FAM184A: variants seen among roughly 807,000 people sequenced by gnomAD.
FAM184A encodes the protein family with sequence similarity 184 member A.
Under a neutral mutation model 143.8 loss-of-function variants are expected in FAM184A, and 99 were observed. That is an observed-to-expected ratio of 0.69 (90% CI 0.58 to 0.81). FAM184A has a LOEUF of 0.81. FAM184A is among the 40% of genes least tolerant of loss of function. The pLI is 0.00. For synonymous variants in FAM184A, 427 were observed against 446.4 expected (o/e 0.96, Z 0.55); for missense variants, 1,217 against 1,310.5 (o/e 0.93, Z 1.10).
At chr6:118,974,606 T>G in intron 13 of FAM184A, 32 bp from the exon 14 acceptor site, 1 of 1,544,910 alleles carries the variant, frequency 6.5e-7, no homozygotes, top group Non-Finnish European at 8.8e-7. Context: ...AAGAAAATGT[T>G]ATTCTGAAGT....
At chr6:119,143,618 T>C (rs1437590287) in intron 1 of FAM184A, among the ~76,000 whole-genome samples, 1 of 152,204 alleles carries the variant, frequency 6.6e-6, no homozygotes, top group Non-Finnish European at 1.5e-5. Context: ...AATAGAATAT[T>C]ATCCAGCCTT....
intron 1 of FAM184A, among the ~76,000 whole-genome samples, chr6:119,103,928 G>GAAAAAA (rs199961401): frequency 1.4e-5 from 1 of 72,894 alleles, no homozygotes; most frequent in Non-Finnish European, 3.4e-5. Context: ...TCCGTGTAGA[G>GAAAAAA]AAAAAAAAAA....
chr6:119,130,196 T>C (rs1191955825), intron 1 of FAM184A, among the ~76,000 whole-genome samples: 1 of 152,244 alleles, frequency 6.6e-6, no homozygotes, highest in East Asian at 1.9e-4. Flanking sequence ...ATAATTTACT[T>C]AGAGCCCAAG....
Position 119,078,046 on chromosome 6 carries a change from G to C in FAM184A, c.159+95C>G. 3 of 1,401,600 alleles carry C rather than the reference G, an allele frequency of 2.1e-6. No homozygotes were observed. Among genetic ancestry groups the C allele is most frequent in the South Asian group, 2.7e-5 (2 of 74,270 alleles). 86.8% of individuals were successfully genotyped at this position (1,401,600 alleles called of 1,614,324 possible). On this transcript the variant is annotated intron_variant, in intron 1 of 17. Transcript: ENST00000338891. The surrounding 1 kb of genome is among the most constrained non-coding windows in gnomAD (Gnocchi z 5.5). ...TCGGCGGAGGAGTAGAGTTCCCCTC[G>C]CTGCGGGCGCAGGGCGCACTGCCTC...
chr6:119,117,581 C>T (rs1582631172), intron 1 of FAM184A, among the ~76,000 whole-genome samples: 1 of 152,150 alleles, frequency 6.6e-6, no homozygotes, highest in East Asian at 1.9e-4. Flanking sequence ...AACATGCCTG[C>T]GACTCAGAGG....
At chr6:119,052,941 C>T (rs929385989) in intron 1 of FAM184A, among the ~76,000 whole-genome samples, 8 of 152,280 alleles carry the variant, frequency 5.3e-5, no homozygotes, top group African/African-American at 1.9e-4. Flanking sequence ...AATGTAGAAC[C>T]AGTGAAGGGA....
intron 1 of FAM184A, among the ~76,000 whole-genome samples, chr6:119,063,715 T>C (rs921700427): frequency 6.6e-6 from 1 of 152,146 alleles, no homozygotes; most frequent in African/African-American, 2.4e-5. Context: ...TCCAAAGTGG[T>C]ATTTACTGTT....
chr6:119,139,997 T>C (rs1279264819), intron 1 of FAM184A, among the ~76,000 whole-genome samples: 1 of 152,250 alleles, frequency 6.6e-6, no homozygotes, highest in South Asian at 2.1e-4. Context: ...TTGCTGGGGC[T>C]GCCCAGGGTG....
At chr6:118,960,261 T>C in intron 17 of FAM184A, 77 bp from the exon 18 acceptor site, 1 of 1,158,084 alleles carries the variant, frequency 8.6e-7, no homozygotes. Context: ...ACATAAAACA[T>C]CAGCATAGAT....
chr6:119,084,116 G>C (rs566874200), intron 1 of FAM184A, among the ~76,000 whole-genome samples: 1 of 152,008 alleles, frequency 6.6e-6, no homozygotes, highest in Non-Finnish European at 1.5e-5. Context: ...AGCAAAGGGG[G>C]AGGTCCCACT....
At chr6:119,033,818 C>A (rs1785985147) in intron 1 of FAM184A, among the ~76,000 whole-genome samples, 1 of 149,618 alleles carries the variant, frequency 6.7e-6, no homozygotes, top group Admixed American at 6.7e-5. Flanking sequence ...ATGGCAAAAC[C>A]CCATCTCTAC....
intron 1 of FAM184A, among the ~76,000 whole-genome samples, chr6:119,032,269 C>T (rs1318023019): frequency 7.1e-6 from 1 of 141,130 alleles, no homozygotes; most frequent in East Asian, 2.0e-4. Flanking sequence ...AACTCTGTCT[C>T]AAAACAAAAA....
intron 1 of FAM184A, among the ~76,000 whole-genome samples, chr6:119,056,801 T>C (rs753729590): frequency 3.9e-5 from 6 of 152,228 alleles, no homozygotes; most frequent in Non-Finnish European, 7.3e-5. Context: ...GCCAAGGAAC[T>C]ATATCCCATA....
chr6:119,017,883 G>A (rs1253768486), intron 4 of FAM184A, among the ~76,000 whole-genome samples: 2 of 152,124 alleles, frequency 1.3e-5, no homozygotes, highest in East Asian at 1.9e-4. Context: ...AGATCTGGTT[G>A]TTTAAAGGAG....
chr6:119,034,050 AG>A (rs1360917263), intron 1 of FAM184A, among the ~76,000 whole-genome samples: 1 of 41,194 alleles, frequency 2.4e-5, no homozygotes, highest in Non-Finnish European at 5.5e-5. Context: ...ATAGAGAGAG[AG>A]AGAGAGAGAG....
At chr6:118,969,187 T>C (rs1019534830) in intron 14 of FAM184A, among the ~76,000 whole-genome samples, 3 of 152,190 alleles carry the variant, frequency 2.0e-5, no homozygotes, top group Admixed American at 6.5e-5. Flanking sequence ...CCTTCCGCCA[T>C]GATTGTAAGT....
At chr6:119,073,802 G>T (rs191093990) in intron 1 of FAM184A, among the ~76,000 whole-genome samples, 14 of 152,312 alleles carry the variant, frequency 9.2e-5, no homozygotes, top group Admixed American at 8.5e-4. Flanking sequence ...GCATGAAGAG[G>T]CATGTGAGAA....
Position 119,016,937 on chromosome 6 carries a change from T to C in FAM184A, c.1340A>G (p.Asn447Ser). The change falls in exon 5 of 18, where the codon AAT (asparagine) becomes AGT (serine). Residue 447 changes from asparagine to serine, a missense_variant. Asn to Ser is a conservative substitution (Grantham distance 46). Transcript: ENST00000338891. Reference protein sequence around the residue: ...QQILELEKKVNEAKRTQQEYY... With the variant: ...QQILELEKKVSEAKRTQQEYY... ...TTCTTGCTGAGTTCTCTTTGCTTCA[T>C]TTACTTTCTAAAATTAAAACAAAGA... 1 of 1,598,974 alleles carries C rather than the reference T, an allele frequency of 6.3e-7. No individual in the cohort carries two copies. Among genetic ancestry groups the C allele is most frequent in the Non-Finnish European group, 8.5e-7 (1 of 1,173,666 alleles).
chr6:119,106,854 T>C (rs1788800136), intron 1 of FAM184A, among the ~76,000 whole-genome samples: 1 of 152,148 alleles, frequency 6.6e-6, no homozygotes, highest in Non-Finnish European at 1.5e-5. Flanking sequence ...AGATATTCAC[T>C]GAAAAAAATC....
Sources: allele counts gnomAD v4.1 joint callset (sites outside exome capture counted in the v4.1 genomes callset), GRCh38; gene constraint gnomAD v4.1.1; non-coding constraint Gnocchi (gnomAD v3.1); transcripts MANE v1.5; gene names NCBI Gene and HGNC (gene_info 2026-07-23, HGNC 2026-07-21).